The following WDR17 variants were observed in gnomAD, a reference collection of about 807,000 sequenced individuals.
The protein encoded by WDR17 is WD repeat-containing protein 17.
A neutral mutation model predicts 161.7 loss-of-function variants in WDR17; 143 were observed. The observed-to-expected ratio is 0.88, with a 90% confidence interval of 0.77 to 1.02. The LOEUF is 1.02. WDR17 is among the 50% of genes least tolerant of loss of function. The pLI, the probability that WDR17 is intolerant of heterozygous loss-of-function variation, is 0.00. For missense variants in WDR17, 1,469 were observed against 1,520.9 expected (o/e 0.97, Z 0.57); for synonymous variants, 517 against 515.6 (o/e 1.00, Z -0.04).
chr4:176,107,879 CTTTCCTTCCTTT>C (rs1385631028), intron 1 of WDR17, among the ~76,000 whole-genome samples: 14 of 147,382 alleles, frequency 9.5e-5, no homozygotes, highest in Non-Finnish European at 3.0e-5. Flanking sequence ...CCTTTTCCTT[CTTTCCTTCCTTT>C]TTTCCTTCCC....
In WDR17 at chr4:176,106,897, A is replaced by G. The variant is rs1738827594; in HGVS notation, c.-6-4678A>G. ...GCCTAGGAGTTTGAGGTTGCAGTGA[A>G]CTATGATCATGCCACTACACTCCGG... On this transcript the variant is annotated intron_variant, in intron 1 of 28. Coordinates refer to ENST00000508596, the MANE Select transcript of WDR17 (RefSeq NM_181265.4). 2.0e-5 allele frequency among the ~76,000 whole-genome samples: 3 copies of G among 152,266 alleles called. No homozygotes were observed. The East Asian group carries it at 5.8e-4, about 29-fold the overall frequency.
chr4:176,116,667 ATAAT>A (rs1740694876), intron 3 of WDR17, among the ~76,000 whole-genome samples: 1 of 151,876 alleles, frequency 6.6e-6, no homozygotes, highest in Non-Finnish European at 1.5e-5. Context: ...TTCTCTAAAA[ATAAT>A]TGTTATAAAT....
At chr4:176,150,678 A>G (rs1002441337) in intron 16 of WDR17, 85 bp downstream of exon 16, 1 of 1,323,514 alleles carries the variant, frequency 7.6e-7, no homozygotes, top group African/African-American at 1.5e-5. Context: ...TTAAAAATAT[A>G]TATGATTAGA....
In WDR17 at chr4:176,135,256, A is replaced by G. The variant is rs1471912473; in HGVS notation, c.1247A>G (p.Tyr416Cys). 4 of 1,612,082 alleles carry G rather than the reference A, an allele frequency of 2.5e-6. No homozygotes were observed. In the South Asian group the frequency reaches 4.4e-5, roughly 18 times the overall value. The stretch of plus-strand genomic sequence containing the variant: ...TCCCCGGGTAATGAAGGTGTTATTT[A>G]TTCCCTTTCTTGGGCTCCAGGTAAG... ...YTSPGNEGVI[Y>C]SLSWAPGGLN... The change falls in exon 8 of 29, where the codon TAT becomes TGT. Residue 416 changes from tyrosine (Y) to cysteine (C), a missense_variant. By Grantham distance (194) the Tyr-to-Cys change is radical (BLOSUM62 -2). Coordinates refer to ENST00000508596, the MANE Select transcript of WDR17 (RefSeq NM_181265.4).
chr4:176,113,860 A>G (rs146403189), intron 2 of WDR17, among the ~76,000 whole-genome samples: 1 of 152,140 alleles, frequency 6.6e-6, no homozygotes, highest in African/African-American at 2.4e-5. Flanking sequence ...GTTGTTTTGT[A>G]ATGCACTGAT....
At chr4:176,127,449 C>T (rs548073217) in intron 5 of WDR17, among the ~76,000 whole-genome samples, 48 of 152,018 alleles carry the variant, frequency 3.2e-4, no homozygotes, top group African/African-American at 1.1e-3. Context: ...GTGCATGCCA[C>T]CATACCTGGC....
intron 11 of WDR17, among the ~76,000 whole-genome samples, chr4:176,144,931 A>G (rs1039237125): frequency 4.6e-5 from 7 of 152,152 alleles, no homozygotes; most frequent in African/African-American, 1.7e-4. Flanking sequence ...TATGCAAATT[A>G]TATTTTCCCA....
At chr4:176,069,118 A>G (rs1016730237) in intron 1 of WDR17, among the ~76,000 whole-genome samples, 1 of 152,158 alleles carries the variant, frequency 6.6e-6, no homozygotes, top group African/African-American at 2.4e-5. Flanking sequence ...GTGACTAGAC[A>G]GGTATAATTT....
At chr4:176,130,467 G>A (rs972415907) in intron 6 of WDR17, among the ~76,000 whole-genome samples, 1 of 152,038 alleles carries the variant, frequency 6.6e-6, no homozygotes, top group African/African-American at 2.4e-5. Flanking sequence ...AGAAATGGCC[G>A]GGCGCGGTGG....
In WDR17 at chr4:176,181,773, C is replaced by T. The variant is rs976253946; in HGVS notation, c.*2194C>T. On this transcript the variant is annotated 3_prime_UTR_variant, in exon 29 of 29. Coordinates refer to ENST00000508596, the MANE Select transcript of WDR17 (RefSeq NM_181265.4). The stretch of plus-strand genomic sequence containing the variant: ...TCATTAAGTATATAAACAATCATTA[C>T]TTCTGTATTTTTAATGAATGCAGGA... 1 of 152,088 alleles carries T rather than the reference C, an allele frequency of 6.6e-6. No homozygotes were observed. The highest frequency in any genetic ancestry group is 1.5e-5 in the Non-Finnish European group (1 of 67,928). 9.4% of individuals were successfully genotyped at this position (152,088 alleles called of 1,614,324 possible).
chr4:176,069,612 A>T (rs866307692), intron 1 of WDR17, among the ~76,000 whole-genome samples: 6 of 152,102 alleles, frequency 3.9e-5, no homozygotes, highest in African/African-American at 1.2e-4. Flanking sequence ...AATTTTTCTT[A>T]TGCTTAGGTT....
intron 1 of WDR17, among the ~76,000 whole-genome samples, chr4:176,069,484 G>A (rs1732947296): frequency 6.6e-6 from 1 of 152,170 alleles, no homozygotes; most frequent in African/African-American, 2.4e-5. Context: ...CGGATAAATT[G>A]TAGCAAAAGT....
intron 23 of WDR17, 130 bp from the exon 24 acceptor site, chr4:176,172,245 A>G: frequency 1.3e-6 from 1 of 769,398 alleles, no homozygotes; most frequent in Non-Finnish European, 2.1e-6. Flanking sequence ...AAATAATTTC[A>G]TTTACATCTA....
Position 176,150,031 on chromosome 4 carries a change from T to A in WDR17, c.2048-12T>A, listed in dbSNP as rs1392607255. On this transcript the variant is annotated splice_polypyrimidine_tract_variant and intron_variant, in intron 14 of 28. Coordinates refer to ENST00000508596, the MANE Select transcript of WDR17 (RefSeq NM_181265.4). Reference sequence around the variant, plus strand: ...AGAAATCTTTTCTCACTGAATTATGTCTGTTCTTCAGATTATGCTATAGAA... The same window carrying A: ...AGAAATCTTTTCTCACTGAATTATGACTGTTCTTCAGATTATGCTATAGAA... 1 of 1,613,132 alleles carries A rather than the reference T, an allele frequency of 6.2e-7. No individual in the cohort carries two copies. Among genetic ancestry groups the A allele is most frequent in the South Asian group, 1.1e-5 (1 of 90,724 alleles).
At chr4:176,167,642 C>T (rs1750008465) in intron 22 of WDR17, among the ~76,000 whole-genome samples, 1 of 10,446 alleles carries the variant, frequency 9.6e-5, no homozygotes, top group South Asian at 9.3e-3. Context: ...GAGACTCCGT[C>T]TCAAAAAAAA....
chr4:176,163,037 A>G (rs1156333076), intron 21 of WDR17, 117 bp from the exon 22 acceptor site: 43 of 1,263,624 alleles, frequency 3.4e-5, no homozygotes, highest in East Asian at 5.0e-5. Flanking sequence ...TCAATATTTT[A>G]TAAGAATAAT....
intron 1 of WDR17, among the ~76,000 whole-genome samples, chr4:176,073,891 C>T (rs1310229469): frequency 4.0e-5 from 6 of 151,038 alleles, no homozygotes; most frequent in South Asian, 4.2e-4. Flanking sequence ...TTTTTGGCTG[C>T]ATAAATGTCT....
intron 17 of WDR17, 48 bp downstream of exon 17, chr4:176,152,015 A>G: frequency 6.5e-7 from 1 of 1,549,164 alleles, no homozygotes; most frequent in Non-Finnish European, 8.7e-7. Context: ...TAGTAGTCTA[A>G]ACGTTAAGAA....
intron 9 of WDR17, among the ~76,000 whole-genome samples, 177 bp downstream of exon 9, chr4:176,137,788 G>A (rs1744653196): frequency 1.3e-5 from 2 of 151,622 alleles, no homozygotes; most frequent in Admixed American, 6.6e-5. Context: ...TCTGAAAATT[G>A]TAGCTGAGTC....
Sources: gnomAD v4.1 joint callset for allele counts (sites outside exome capture counted in the v4.1 genomes callset) on GRCh38, gnomAD v4.1.1 for gene constraint, MANE v1.5 for transcripts, NCBI Gene and HGNC (gene_info 2026-07-23, HGNC 2026-07-21) for gene names.